Variants in CLSTN2 observed in about 807,000 individuals in gnomAD.
CLSTN2 encodes the protein calsyntenin-2.
Under a neutral mutation model 101.2 loss-of-function variants are expected in CLSTN2, and 48 were observed. The observed-to-expected ratio is 0.47, with a 90% CI of 0.38 to 0.60. The LOEUF is 0.60. Among genes scored for constraint, CLSTN2 ranks in the 20% least tolerant of loss-of-function variants. CLSTN2 has a pLI of 0.00. For missense variants in CLSTN2, 1,160 were observed against 1,238.2 expected (o/e 0.94, Z 0.95); for synonymous variants, 481 against 463.6 (o/e 1.04, Z -0.48).
intron 1 of CLSTN2, among the ~76,000 whole-genome samples, chr3:139,942,338 C>G (rs540392095): frequency 3.3e-5 from 5 of 152,164 alleles, no homozygotes; most frequent in Non-Finnish European, 7.4e-5. Flanking sequence ...GAGGAGGCAG[C>G]CTTCTGCACT....
intron 8 of CLSTN2, among the ~76,000 whole-genome samples, chr3:140,490,244 G>T (rs889976659): frequency 2.7e-5 from 4 of 149,640 alleles, no homozygotes; most frequent in Admixed American, 2.0e-4. Context: ...TCATTTCTCT[G>T]TGTATTCTCT....
At chr3:140,546,189 G>A (rs987274847) in intron 9 of CLSTN2, among the ~76,000 whole-genome samples, 1 of 152,240 alleles carries the variant, frequency 6.6e-6, no homozygotes, top group African/African-American at 2.4e-5. Flanking sequence ...CACAAGGCAG[G>A]CCTGAAGTTT....
intron 1 of CLSTN2, among the ~76,000 whole-genome samples, chr3:140,173,013 C>A (rs1416603316): frequency 2.0e-5 from 3 of 152,184 alleles, no homozygotes; most frequent in Admixed American, 1.3e-4. Context: ...CAAAAACAAT[C>A]ATGCCTTCCC....
intron 2 of CLSTN2, among the ~76,000 whole-genome samples, chr3:140,344,322 G>A (rs148012167): frequency 6.6e-6 from 1 of 152,314 alleles, no homozygotes; most frequent in East Asian, 1.9e-4. Flanking sequence ...ACAGAGGACA[G>A]GGCTGACTGC....
chr3:140,094,582 T>A (rs979337952), intron 1 of CLSTN2, among the ~76,000 whole-genome samples: 2 of 152,042 alleles, frequency 1.3e-5, no homozygotes, highest in Non-Finnish European at 1.5e-5. Context: ...GAAAAAAAAA[T>A]TAGCAAATGG....
At chr3:140,394,188 G>T (rs1198143112) in intron 2 of CLSTN2, among the ~76,000 whole-genome samples, 1 of 148,100 alleles carries the variant, frequency 6.8e-6, no homozygotes, top group African/African-American at 2.5e-5. Flanking sequence ...TTTCAAAAAA[G>T]AAAGTTCTAT....
chr3:140,559,256 G>C (rs1421617661), intron 12 of CLSTN2, among the ~76,000 whole-genome samples: 1 of 151,860 alleles, frequency 6.6e-6, no homozygotes, highest in Non-Finnish European at 1.5e-5. Context: ...GAGCCCGTTT[G>C]TTTCTGCTTC....
intron 2 of CLSTN2, among the ~76,000 whole-genome samples, chr3:140,368,489 C>T (rs1009959224): frequency 3.3e-5 from 5 of 152,196 alleles, no homozygotes; most frequent in Non-Finnish European, 7.3e-5. Flanking sequence ...CAGCCTCTGG[C>T]TTCGGGTCTC....
At chr3:139,953,003 C>T (rs1345053118) in intron 1 of CLSTN2, among the ~76,000 whole-genome samples, 4 of 152,158 alleles carry the variant, frequency 2.6e-5, no homozygotes, top group Non-Finnish European at 4.4e-5. Context: ...AGGGCCAGCC[C>T]TACCCGCTAC....
intron 2 of CLSTN2, among the ~76,000 whole-genome samples, chr3:140,307,004 G>A (rs2087120635): frequency 6.6e-6 from 1 of 151,958 alleles, no homozygotes; most frequent in Admixed American, 6.6e-5. Context: ...TTGAATTATG[G>A]GGGTAGGTCT....
chr3:140,251,452 A>G (rs561296062), intron 2 of CLSTN2, among the ~76,000 whole-genome samples: 1 of 152,272 alleles, frequency 6.6e-6, no homozygotes, highest in Non-Finnish European at 1.5e-5. Context: ...CTTTTCTTGA[A>G]TCTTTGGCAG....
chr3:140,544,551 G>C (rs539635694), intron 9 of CLSTN2, among the ~76,000 whole-genome samples: 1 of 152,308 alleles, frequency 6.6e-6, no homozygotes, highest in East Asian at 1.9e-4. Context: ...GAATCAGTTT[G>C]TCTTTTTAAG....
At chr3:140,552,186 TAAG>T (rs892402141) in intron 10 of CLSTN2, among the ~76,000 whole-genome samples, 7 of 152,208 alleles carry the variant, frequency 4.6e-5, no homozygotes, top group South Asian at 4.1e-4. Context: ...AAGTCTCTAA[TAAG>T]AAGACCATTC....
In CLSTN2 at chr3:140,256,986, G is replaced by T. The variant is rs184623063; in HGVS notation, c.232+80913G>T. Among the ~76,000 whole-genome samples, 4 of 152,286 alleles carry T rather than the reference G, an allele frequency of 2.6e-5. No homozygotes were observed. In the East Asian group the frequency reaches 7.7e-4, roughly 29 times the overall value. On this transcript the variant is annotated intron_variant, in intron 2 of 16. Coordinates refer to ENST00000458420, the MANE Select transcript of CLSTN2 (RefSeq NM_022131.3). ...AACTTAAAACACAGGAGAGCAATGT[G>T]TGTATAGAAAGGCATACATAGGCCG...
intron 1 of CLSTN2, among the ~76,000 whole-genome samples, chr3:140,081,817 A>G (rs2008604229): frequency 6.6e-6 from 1 of 152,216 alleles, no homozygotes; most frequent in South Asian, 2.1e-4. Flanking sequence ...GTTGGGGTTC[A>G]GCTATCCAGC....
chr3:139,980,707 C>T (rs1267788723), intron 1 of CLSTN2, among the ~76,000 whole-genome samples: 1 of 152,104 alleles, frequency 6.6e-6, no homozygotes, highest in East Asian at 1.9e-4. Context: ...TTTTGATCCC[C>T]TGATTTATCC....
chr3:140,057,391 T>G (rs1254536636), intron 1 of CLSTN2, among the ~76,000 whole-genome samples: 1 of 152,156 alleles, frequency 6.6e-6, no homozygotes, highest in Admixed American at 6.5e-5. Flanking sequence ...TGGGAAGAAA[T>G]GGTCGCTTTT....
At chr3:140,323,686 T>C (rs1292089978) in intron 2 of CLSTN2, among the ~76,000 whole-genome samples, 2 of 152,240 alleles carry the variant, frequency 1.3e-5, no homozygotes, top group Non-Finnish European at 2.9e-5. Context: ...TGGTAGTCAT[T>C]ATTATGGTAT....
chr3:139,959,962 G>A (rs889866960), intron 1 of CLSTN2, among the ~76,000 whole-genome samples: 8 of 152,076 alleles, frequency 5.3e-5, no homozygotes, highest in African/African-American at 1.9e-4. Flanking sequence ...TATCTCAAAC[G>A]ATGGAATTGT....
Sources: allele counts gnomAD v4.1 joint callset (sites outside exome capture counted in the v4.1 genomes callset), GRCh38; gene constraint gnomAD v4.1.1; transcripts MANE v1.5; gene names NCBI Gene and HGNC (gene_info 2026-07-23, HGNC 2026-07-21).